PAX5: variants seen among roughly 807,000 people sequenced by gnomAD.
PAX5 encodes the protein paired box protein Pax-5.
In PAX5, 9 loss-of-function variants were observed where a neutral mutation model predicts 43.7. That is an observed-to-expected ratio of 0.21 (90% CI 0.12 to 0.36). The LOEUF (loss-of-function observed/expected upper bound fraction) is 0.36. PAX5 is among the 10% of genes least tolerant of loss of function. PAX5 has a pLI of 1.00. For missense variants in PAX5, 383 were observed against 532.7 expected (o/e 0.72, Z 2.77); for synonymous variants, 228 against 214.3 (o/e 1.06, Z -0.56).
chr9:36,963,054 G>T (rs1002826285), intron 6 of PAX5, among the ~76,000 whole-genome samples: 1 of 152,216 alleles, frequency 6.6e-6, no homozygotes, highest in Non-Finnish European at 1.5e-5. Flanking sequence ...ATTGGGAATC[G>T]GGCACGAGGG....
At chr9:36,858,554 C>T (rs777034522) in intron 8 of PAX5, among the ~76,000 whole-genome samples, 7 of 152,168 alleles carry the variant, frequency 4.6e-5, no homozygotes, top group African/African-American at 7.2e-5. Flanking sequence ...AATCCAATCC[C>T]ATACCTTTTA....
chr9:36,913,300 T>C (rs1233670823), intron 7 of PAX5, among the ~76,000 whole-genome samples: 2 of 152,258 alleles, frequency 1.3e-5, no homozygotes, highest in African/African-American at 4.8e-5. Context: ...GGCCTCTCTC[T>C]GTCTCCTCCT....
chr9:36,881,166 A>G (rs1180150875), intron 8 of PAX5, among the ~76,000 whole-genome samples: 1 of 152,210 alleles, frequency 6.6e-6, no homozygotes, highest in East Asian at 1.9e-4. Context: ...TCAAAACACC[A>G]CACTGTACCC....
chr9:36,878,301 C>T (rs144425057), intron 8 of PAX5, among the ~76,000 whole-genome samples: 246 of 152,304 alleles, frequency 1.6e-3, no homozygotes, highest in African/African-American at 5.4e-3. Context: ...TAACTTGATA[C>T]GTGTTAGGGG....
intron 6 of PAX5, among the ~76,000 whole-genome samples, chr9:36,934,606 A>G (rs1472072189): frequency 6.6e-6 from 1 of 152,188 alleles, no homozygotes; most frequent in Non-Finnish European, 1.5e-5. Flanking sequence ...ATAATCTACA[A>G]AGTGCTACCA....
chr9:36,890,142 C>T (rs1162652562), intron 7 of PAX5, among the ~76,000 whole-genome samples: 3 of 152,138 alleles, frequency 2.0e-5, no homozygotes, highest in Admixed American at 6.5e-5. Flanking sequence ...GTGTGAAAAC[C>T]CTTCACTTTG....
chr9:36,892,856 G>C (rs60364060), intron 7 of PAX5, among the ~76,000 whole-genome samples: 4 of 152,330 alleles, frequency 2.6e-5, no homozygotes, highest in African/African-American at 7.2e-5. Context: ...TAAGTGAACA[G>C]GCAAGTGTGG....
In PAX5 at chr9:36,839,331, G is replaced by A. The variant is rs558684504; in HGVS notation, c.*1229C>T. ...CCATCGCGGCCCCTTAGATCAACAGGTGGGCATGCATTGTGCGAAATTAGG... is the reference window on the plus strand; with the variant it reads ...CCATCGCGGCCCCTTAGATCAACAGATGGGCATGCATTGTGCGAAATTAGG... On this transcript the variant is annotated 3_prime_UTR_variant, in exon 10 of 10. Coordinates refer to ENST00000358127, the MANE Select transcript of PAX5 (RefSeq NM_016734.3). 4.3e-6 allele frequency: 1 copy of A among 233,370 alleles called. No individual in the cohort carries two copies. The highest frequency in any genetic ancestry group is 8.5e-6 in the Non-Finnish European group (1 of 118,188). The allele number at this position is 233,370 out of a possible 1,614,324, so 14.5% of individuals were successfully genotyped here.
intron 5 of PAX5, among the ~76,000 whole-genome samples, chr9:37,000,753 A>G (rs191163911): frequency 6.6e-6 from 1 of 152,170 alleles, no homozygotes; most frequent in East Asian, 1.9e-4. Flanking sequence ...CTTTTATCCT[A>G]GGCCACTCTC....
chr9:36,868,202 C>G (rs908321069), intron 8 of PAX5, among the ~76,000 whole-genome samples: 4 of 152,234 alleles, frequency 2.6e-5, no homozygotes, highest in Non-Finnish European at 4.4e-5. Flanking sequence ...AGCACTCAAG[C>G]CCTGTTTAAT....
rs1413385906 is a variant in PAX5, at chr9:36,936,816, GCACACACACACATGCACACA to G, written c.781-13352_781-13333del. Among the ~76,000 whole-genome samples, 921 of 146,700 alleles carry G rather than the reference GCACACACACACATGCACACA, an allele frequency of 6.3e-3. 10 individuals are homozygous for G. Among genetic ancestry groups the G allele is most frequent in the African/African-American group, 0.022 (879 of 39,788 alleles). On this transcript the variant is annotated intron_variant, in intron 6 of 9. Coordinates refer to ENST00000358127, the MANE Select transcript of PAX5 (RefSeq NM_016734.3). ...CCTCTGGCCATGTGGGAACCTGCAG[GCACACACACACATGCACACA>G]CACACACACACATGCACACACACAC...
At chr9:36,930,759 G>A in intron 6 of PAX5, 2 of 965,222 alleles carry the variant, frequency 2.1e-6, no homozygotes, top group South Asian at 1.5e-5. Flanking sequence ...AATCTGAGGG[G>A]TAAGGAGAGG....
chr9:36,981,191 C>CCA lies in PAX5; in HGVS notation c.605-14468_605-14467insTG, dbSNP rs1554676961. Among the ~76,000 whole-genome samples the CCA allele has an allele frequency of 6.5e-3, 964 of 149,440 alleles. 13 individuals are homozygous for CCA. Among genetic ancestry groups the CCA allele is most frequent in the African/African-American group, 0.022 (903 of 40,280 alleles). ...ACCCTCCAAAAACAGCAAAGCCCCC[C>CCA]CCCCCTCAGCCCTGCTTCATTCCCT... On this transcript the variant is annotated intron_variant, in intron 5 of 9. Coordinates refer to ENST00000358127, the MANE Select transcript of PAX5 (RefSeq NM_016734.3).
At chr9:37,026,609 G>C (rs773543410) in intron 1 of PAX5, 2 of 1,349,902 alleles carry the variant, frequency 1.5e-6, no homozygotes, top group Non-Finnish European at 1.9e-6. Context: ...GGCCCACGCC[G>C]CCGCCTCCCG....
chr9:36,928,213 TC>T (rs968859948), intron 6 of PAX5, among the ~76,000 whole-genome samples: 48 of 152,326 alleles, frequency 3.2e-4, no homozygotes, highest in African/African-American at 1.1e-3. Flanking sequence ...AACTGCATTC[TC>T]CCCAATCTCT....
At position 37,034,098 on chromosome 9, in the gene PAX5, C is replaced by CTTTCTTTTTTTTTTTTTTTTTT. The variant is rs1841297179; in HGVS notation, c.-68_-67insAAAAAAAAAAAAAAAAAAGAAA. 9.4e-6 allele frequency: 3 copies of CTTTCTTTTTTTTTTTTTTTTTT among 320,070 alleles called. No individual in the cohort carries two copies. The highest frequency in any genetic ancestry group is 8.6e-5 in the African/African-American group (2 of 23,190). The allele number at this position is 320,070 out of a possible 1,614,324, so 19.8% of individuals were successfully genotyped here. On this transcript the variant is annotated 5_prime_UTR_variant, in exon 1 of 10. Coordinates refer to ENST00000358127, the MANE Select transcript of PAX5 (RefSeq NM_016734.3). ...TCCACTTTTTTGTGCCTTTTTTTTT[C>CTTTCTTTTTTTTTTTTTTTTTT]TTTTTTTTTTTTTTTTTTTTTTTTT... is the stretch of plus-strand genomic sequence containing the variant.
rs754478050 is a variant in PAX5, at chr9:36,846,851, C to T, written c.1091G>A (p.Gly364Glu). 2 of 1,613,886 alleles carry T rather than the reference C, an allele frequency of 1.2e-6. No individual in the cohort carries two copies. Among genetic ancestry groups the T allele is most frequent in the South Asian group, 1.1e-5 (1 of 91,072 alleles). Residue 364 changes from glycine (G) to glutamate (E), a missense_variant, in exon 9 of 10, where the codon GGG becomes GAG. This residue lies in a region of PAX5 where 291 missense variants were observed against 342.5 expected (regional missense o/e 0.85). Transcript: ENST00000358127. ...CCTCCGCCAGTACTCACCAAGCAGC[C>T]CCGGGTTGGGGAACCTCCAGGAGTC... ...YNDSWRFPNPGLLGSPYYYSA... is the reference protein window; with the variant it reads ...YNDSWRFPNPELLGSPYYYSA...
chr9:36,991,544 C>G (rs1302603621), intron 5 of PAX5, among the ~76,000 whole-genome samples: 1 of 152,200 alleles, frequency 6.6e-6, no homozygotes, highest in Admixed American at 6.5e-5. Context: ...CCAGATTAAT[C>G]CCCACTAGCA....
At chr9:36,950,779 C>T (rs913977336) in intron 6 of PAX5, among the ~76,000 whole-genome samples, 6 of 140,662 alleles carry the variant, frequency 4.3e-5, no homozygotes, top group Non-Finnish European at 9.1e-5. Flanking sequence ...CTTGCCCTCT[C>T]ATCCAGGCTG....
Sources: allele counts gnomAD v4.1 joint callset (sites outside exome capture counted in the v4.1 genomes callset), GRCh38; gene constraint gnomAD v4.1.1; regional missense constraint gnomAD v4.1.1; transcripts MANE v1.5; gene names NCBI Gene and HGNC (gene_info 2026-07-23, HGNC 2026-07-21).